The following RNF44 variants were observed in gnomAD, a reference collection of about 807,000 sequenced individuals.
RNF44 encodes ring finger protein 44.
In RNF44, 25 loss-of-function variants were observed where a neutral mutation model predicts 53.6. That is an observed-to-expected ratio of 0.47 (90% CI 0.34 to 0.65). The LOEUF is 0.65. Among genes scored for constraint, RNF44 ranks in the 30% least tolerant of loss-of-function variants. The pLI is 0.01. For missense variants in RNF44, 581 were observed against 595.5 expected, an observed-to-expected ratio of 0.98 and a Z score of 0.25; for synonymous variants, 282 against 252.2, an observed-to-expected ratio of 1.12 and a Z score of -1.12.
At chr5:176,541,868 C>A (rs1475068774), upstream of RNF44, among the ~76,000 whole-genome samples, 1 of 152,214 alleles carries the variant, frequency 6.6e-6, no homozygotes, top group Non-Finnish European at 1.5e-5. Context: ...ACAGCACAGC[C>A]TGGCAGAGCC....
intron 1 of RNF44, among the ~76,000 whole-genome samples, chr5:176,533,850 G>A (rs2963292): frequency 0.095 from 14,512 of 152,256 alleles, 924 homozygotes; most frequent in South Asian, 0.27. Context: ...TGAAGGATGC[G>A]TCCAACAGGA....
upstream of RNF44, among the ~76,000 whole-genome samples, chr5:176,541,349 G>A (rs1439478090): frequency 1.3e-5 from 2 of 152,152 alleles, no homozygotes. Context: ...AGCCATCAAG[G>A]GGCAAACCTG....
At chr5:176,536,029 T>A (rs913500882) in intron 1 of RNF44, 6 of 152,408 alleles carry the variant, frequency 3.9e-5, no homozygotes, top group African/African-American at 1.4e-4. Flanking sequence ...AGGGATCTGT[T>A]TGCAGGAAGA....
upstream of RNF44, among the ~76,000 whole-genome samples, chr5:176,540,993 G>A (rs546118012): frequency 2.6e-5 from 4 of 152,336 alleles, no homozygotes; most frequent in African/African-American, 7.2e-5. Context: ...CTGTGGGGAC[G>A]TGGCCTGCAC....
upstream of RNF44, among the ~76,000 whole-genome samples, chr5:176,541,591 C>T (rs895689487): frequency 1.1e-4 from 17 of 152,124 alleles, no homozygotes; most frequent in Non-Finnish European, 2.1e-4. Context: ...CTTCCTCCCC[C>T]AGGCCTCCTC....
intron 1 of RNF44, among the ~76,000 whole-genome samples, 161 bp downstream of exon 1, chr5:176,536,779 G>C (rs559385426): frequency 6.6e-6 from 1 of 151,904 alleles, no homozygotes; most frequent in South Asian, 2.1e-4. Context: ...GGGGGCCTTG[G>C]GGGGGGTTCC....
At chr5:176,533,907 C>T (rs1756934141) in intron 1 of RNF44, among the ~76,000 whole-genome samples, 1 of 152,210 alleles carries the variant, frequency 6.6e-6, no homozygotes, top group African/African-American at 2.4e-5. Context: ...TCCATCCCTT[C>T]CCCATCTAAC....
chr5:176,538,396 C>A (rs1462443080), upstream of RNF44, among the ~76,000 whole-genome samples: 1 of 152,214 alleles, frequency 6.6e-6, no homozygotes, highest in African/African-American at 2.4e-5. Context: ...TGAACCTAAT[C>A]CAAAGCCGAG....
At chr5:176,543,479 G>C in the RNF44 span, 2 of 152,082 alleles carry the variant, frequency 1.3e-5, no homozygotes, top group African/African-American at 4.8e-5. This position sits in a 1 kb window ranked among gnomAD's most constrained non-coding sequence, Gnocchi z 4.0. Context: ...CGCGAATGGA[G>C]CTGCCTGGAC....
At position 176,532,147 on chromosome 5, in the gene RNF44, G is replaced by A. The variant is rs371670938; in HGVS notation, c.154C>T (p.Arg52Cys). The change falls in exon 3 of 11, where the codon CGC becomes TGC. Residue 52 changes from arginine (R) to cysteine (C), a missense_variant. Transcript: ENST00000274811. ...PLASPPARDE[R>C]LPSQQPPSRP... Reference sequence around the variant, plus strand: ...GACGGCGGCTGCTGGGAGGGTAAGCGCTCATCCCGGGCAGGCGGGCTGGCC... The same window carrying A: ...GACGGCGGCTGCTGGGAGGGTAAGCACTCATCCCGGGCAGGCGGGCTGGCC... 978 of 1,568,646 alleles carry A rather than the reference G, an allele frequency of 6.2e-4. 2 individuals carry two copies. The highest frequency in any genetic ancestry group is 3.0e-3 in the Middle Eastern group (16 of 5,328).
At position 176,531,452 on chromosome 5, in the gene RNF44, C is replaced by T; in HGVS notation, c.465+11G>A. 1 of 1,548,854 alleles carries T rather than the reference C, an allele frequency of 6.5e-7. No individual in the cohort carries two copies. Among genetic ancestry groups the T allele is most frequent in the Non-Finnish European group, 8.7e-7 (1 of 1,146,732 alleles). On this transcript the variant is annotated intron_variant, in intron 4 of 10. Transcript: ENST00000274811. This position sits in a 1 kb window ranked among gnomAD's most constrained non-coding sequence, Gnocchi z 4.2. ...CAGCTGGTGGAGGAGGAGCTAGAAACACTCACTCACCGGGGGCGGGAGGCA... is the reference window on the plus strand; with the variant it reads ...CAGCTGGTGGAGGAGGAGCTAGAAATACTCACTCACCGGGGGCGGGAGGCA...
At chr5:176,541,525 G>A (rs980827414), upstream of RNF44, among the ~76,000 whole-genome samples, 31 of 152,168 alleles carry the variant, frequency 2.0e-4, no homozygotes, top group African/African-American at 7.5e-4. Context: ...ACAGGAGCCT[G>A]AGAGGGATCC....
chr5:176,535,937 C>T (rs1757120043), intron 1 of RNF44: 1 of 152,320 alleles, frequency 6.6e-6, no homozygotes, highest in African/African-American at 2.4e-5. Flanking sequence ...TAACATAACC[C>T]CCCACACCCA....
upstream of RNF44, chr5:176,542,729 A>G (rs1302547020): frequency 1.3e-5 from 2 of 151,796 alleles, no homozygotes; most frequent in Middle Eastern, 3.4e-3. Flanking sequence ...CAAGACACGG[A>G]CTCTCTCCGG....
At chr5:176,540,153 CT>C (rs1275401239), upstream of RNF44, among the ~76,000 whole-genome samples, 2 of 152,198 alleles carry the variant, frequency 1.3e-5, no homozygotes, top group African/African-American at 4.8e-5. Context: ...GTCACAATCG[CT>C]GTGTGTCTCA....
the RNF44 span, among the ~76,000 whole-genome samples, chr5:176,543,375 G>C: frequency 6.7e-6 from 1 of 149,864 alleles, no homozygotes; most frequent in African/African-American, 2.4e-5. The surrounding 1 kb of genome is among the most constrained non-coding windows in gnomAD (Gnocchi z 4.0). Context: ...CCCCTCTCCG[G>C]CCCGGTGCAG....
intron 1 of RNF44, among the ~76,000 whole-genome samples, chr5:176,534,966 C>G (rs1757023720): frequency 6.6e-6 from 1 of 152,236 alleles, no homozygotes; most frequent in Admixed American, 6.5e-5. Flanking sequence ...CAAGGCACTC[C>G]TGCAGAGGCC....
chr5:176,531,944 G>A lies in RNF44; in HGVS notation c.297+60C>T. 3.3e-6 allele frequency: 5 copies of A among 1,499,540 alleles called. No homozygotes were observed. The highest frequency in any genetic ancestry group is 1.3e-5 in the South Asian group (1 of 78,400). 92.9% of individuals were successfully genotyped at this position (1,499,540 alleles called of 1,614,324 possible). A position where few individuals can be genotyped will look rare whatever the true frequency, so the allele number is the denominator to read the frequency against. On this transcript the variant is annotated intron_variant, in intron 3 of 10. Coordinates refer to ENST00000274811, the MANE Select transcript of RNF44 (RefSeq NM_014901.5). This position sits in a 1 kb window ranked among gnomAD's most constrained non-coding sequence, Gnocchi z 4.2. ...AGCTAGGTGAAATCTAGGCCTTGCT[G>A]CCTCTGCCTCTCAGACTGGCTCACA...
At chr5:176,541,802 T>C (rs917051038), upstream of RNF44, among the ~76,000 whole-genome samples, 4 of 152,142 alleles carry the variant, frequency 2.6e-5, no homozygotes, top group East Asian at 5.8e-4. Flanking sequence ...CAGGGCCCAG[T>C]CACCTTCCCA....
Sources: gnomAD v4.1 joint callset for allele counts (sites outside exome capture counted in the v4.1 genomes callset) on GRCh38, gnomAD v4.1.1 for gene constraint, Gnocchi (gnomAD v3.1) non-coding constraint, MANE v1.5 for transcripts, NCBI Gene and HGNC (gene_info 2026-07-23, HGNC 2026-07-21) for gene names.